The following TMEM131 variants were observed in gnomAD, a reference collection of about 807,000 sequenced individuals.
TMEM131 encodes 2610524E03Rik.
In TMEM131, 66 loss-of-function variants were observed where a neutral mutation model predicts 211.6. That is an observed-to-expected ratio of 0.31 (90% CI 0.26 to 0.38). The LOEUF (loss-of-function observed/expected upper bound fraction) is 0.38, where lower values mean the gene tolerates loss of function less well. TMEM131 is among the 10% of genes least tolerant of loss of function. The probability of loss-of-function intolerance (pLI) is 1.00; values close to 1 mark genes in which losing one functional copy is unlikely to be tolerated. For synonymous variants in TMEM131, 844 were observed against 841.3 expected (o/e 1.00, Z -0.06); for missense variants, 2,036 against 2,299.3 (o/e 0.89, Z 2.34).
chr2:97,950,305 TAAAG>T (rs953149292), intron 1 of TMEM131, among the ~76,000 whole-genome samples: 1 of 152,196 alleles, frequency 6.6e-6, no homozygotes, highest in Non-Finnish European at 1.5e-5. Context: ...CATACATATA[TAAAG>T]ATTTAAAAAG....
intron 1 of TMEM131, among the ~76,000 whole-genome samples, chr2:97,942,557 A>C (rs1320888882): frequency 2.0e-5 from 3 of 152,142 alleles, no homozygotes; most frequent in Non-Finnish European, 4.4e-5. Context: ...GAACTTTCCA[A>C]TCTTACAGTA....
chr2:97,833,253 G>A, intron 11 of TMEM131, 112 bp downstream of exon 11: 1 of 575,954 alleles, frequency 1.7e-6, no homozygotes, highest in Non-Finnish European at 3.0e-6. Flanking sequence ...GTGTCACCAG[G>A]TCATCACCAA....
chr2:97,896,610 T>C (rs1675622494), intron 3 of TMEM131, among the ~76,000 whole-genome samples: 1 of 152,192 alleles, frequency 6.6e-6, no homozygotes, highest in African/African-American at 2.4e-5. Context: ...TTTACCATTA[T>C]GTAATGCCCT....
At position 97,835,155 on chromosome 2, in the gene TMEM131, G is replaced by A. The variant is rs1026098747; in HGVS notation, c.805-230C>T. 3.2e-4 allele frequency among the ~76,000 whole-genome samples: 48 copies of A among 152,176 alleles called. 2 individuals are homozygous for A. Among genetic ancestry groups the A allele is most frequent in the Non-Finnish European group, 1.5e-5 (1 of 68,028 alleles). On this transcript the variant is annotated intron_variant, in intron 8 of 40. Coordinates refer to ENST00000186436, the MANE Select transcript of TMEM131 (RefSeq NM_015348.2). ...TGATGAAATACGATATGTAAGGTAGGCAAAGCAAAAGAAGTCAAATGATCT... is the reference window on the plus strand; with the variant it reads ...TGATGAAATACGATATGTAAGGTAGACAAAGCAAAAGAAGTCAAATGATCT...
At chr2:97,793,909 G>A (rs1480871815) in intron 29 of TMEM131, among the ~76,000 whole-genome samples, 1 of 144,690 alleles carries the variant, frequency 6.9e-6, no homozygotes, top group Non-Finnish European at 1.5e-5. Flanking sequence ...CAGGAGAATG[G>A]CATGAACCCG....
At chr2:97,798,661 C>T (rs1680884158) in intron 25 of TMEM131, among the ~76,000 whole-genome samples, 1 of 152,220 alleles carries the variant, frequency 6.6e-6, no homozygotes, top group African/African-American at 2.4e-5. Flanking sequence ...AAAAGTAGGG[C>T]TCTCCATATA....
In TMEM131 at chr2:97,802,525, T is replaced by A; in HGVS notation, c.2554A>T (p.Thr852Ser). The change falls in exon 24 of 41, where the codon ACT becomes TCT. Residue 852 changes from threonine to serine, a missense_variant. Thr to Ser is a moderately conservative substitution (Grantham distance 58). Transcript: ENST00000186436. Reference sequence around the variant, plus strand: ...GGAACATCTGCAGGATTTTCTAAAGTAATCTCTTCTTCCTTAAACAAAATA... The same window carrying A: ...GGAACATCTGCAGGATTTTCTAAAGAAATCTCTTCTTCCTTAAACAAAATA... ...NTNCSSEEEITLENPADVPVY... is the reference protein window; with the variant it reads ...NTNCSSEEEISLENPADVPVY... The A allele has an allele frequency of 6.2e-7, 1 of 1,610,816 alleles. No homozygotes were observed. The highest frequency in any genetic ancestry group is 8.5e-7 in the Non-Finnish European group (1 of 1,178,830).
At chr2:97,866,839 C>T (rs977865977) in intron 4 of TMEM131, among the ~76,000 whole-genome samples, 2 of 152,116 alleles carry the variant, frequency 1.3e-5, no homozygotes, top group African/African-American at 4.8e-5. Flanking sequence ...TTGTACAGGA[C>T]GAGTATCCCT....
chr2:97,823,450 A>C (rs894866495), intron 11 of TMEM131, among the ~76,000 whole-genome samples: 1 of 152,352 alleles, frequency 6.6e-6, no homozygotes, highest in Middle Eastern at 3.4e-3. Context: ...GAGAGATGTC[A>C]TGCTATTGTT....
intron 1 of TMEM131, among the ~76,000 whole-genome samples, chr2:97,994,792 G>C (rs1680418492): frequency 6.6e-6 from 1 of 152,178 alleles, no homozygotes; most frequent in South Asian, 2.1e-4. Flanking sequence ...TTTAAAATAG[G>C]GGCCAGCCCT....
At chr2:97,962,624 G>C (rs769013680) in intron 1 of TMEM131, among the ~76,000 whole-genome samples, 1 of 152,170 alleles carries the variant, frequency 6.6e-6, no homozygotes, top group Non-Finnish European at 1.5e-5. Flanking sequence ...GTAATGGTTT[G>C]ACAGTTTCTT....
intron 2 of TMEM131, 25 bp from the exon 3 acceptor site, chr2:97,908,723 T>C (rs375634659): frequency 5.3e-5 from 84 of 1,591,470 alleles, no homozygotes; most frequent in Non-Finnish European, 6.7e-5. Context: ...AAATAATGAT[T>C]AAAAAACTGA....
At chr2:97,815,127 G>C in intron 13 of TMEM131, 72 bp downstream of exon 13, 1 of 816,904 alleles carries the variant, frequency 1.2e-6, no homozygotes, top group Non-Finnish European at 1.8e-6. Context: ...TATTTCTGCA[G>C]GTCATTTAGC....
intron 4 of TMEM131, among the ~76,000 whole-genome samples, chr2:97,876,069 C>T (rs891414228): frequency 6.6e-6 from 1 of 152,208 alleles, no homozygotes; most frequent in African/African-American, 2.4e-5. Flanking sequence ...TCAGAGAATA[C>T]TATAAACACC....
chr2:97,877,162 T>A (rs542240930), intron 4 of TMEM131, among the ~76,000 whole-genome samples: 1 of 152,276 alleles, frequency 6.6e-6, no homozygotes, highest in Admixed American at 6.5e-5. Flanking sequence ...GTGAAGGACC[T>A]CTTCAAGGAG....
chr2:97,888,286 T>C (rs542332524), intron 3 of TMEM131, among the ~76,000 whole-genome samples, 166 bp from the exon 4 acceptor site: 1 of 152,320 alleles, frequency 6.6e-6, no homozygotes, highest in South Asian at 2.1e-4. Flanking sequence ...CAGAAACCAA[T>C]AAAGATTGCG....
Position 97,792,446 on chromosome 2 carries a change from C to T in TMEM131, c.4084G>A (p.Asp1362Asn). Residue 1362 changes from aspartate (D) to asparagine (N), a missense_variant, in exon 31 of 41, where the codon GAC (aspartate) becomes AAC (asparagine). By Grantham distance (23) the Asp-to-Asn change is conservative. Around this residue, in one of 3 missense-constraint regions of TMEM131, gnomAD observed 1,623 missense variants for 1,805.9 expected, o/e 0.90. Coordinates refer to ENST00000186436, the MANE Select transcript of TMEM131 (RefSeq NM_015348.2). The stretch of plus-strand genomic sequence containing the variant: ...GTAAACACTTCTAGGGCTGGGGAGT[C>T]ATGGTGGTCGAAGTCTTTGTCCATG... ...EAMDKDFDHH[D>N]SPALEVFTEQ... 1 of 1,613,022 alleles carries T rather than the reference C, an allele frequency of 6.2e-7. No homozygotes were observed. Among genetic ancestry groups the T allele is most frequent in the Non-Finnish European group, 8.5e-7 (1 of 1,179,420 alleles).
At chr2:97,893,137 AG>A (rs1271957416) in intron 3 of TMEM131, among the ~76,000 whole-genome samples, 1 of 151,958 alleles carries the variant, frequency 6.6e-6, no homozygotes, top group Non-Finnish European at 1.5e-5. Context: ...TGAGAACATG[AG>A]GTGTTTGGTT....
chr2:97,981,671 C>T (rs961025752), intron 1 of TMEM131, among the ~76,000 whole-genome samples: 5 of 151,936 alleles, frequency 3.3e-5, no homozygotes, highest in Admixed American at 3.3e-4. Flanking sequence ...ACCACCATCC[C>T]AAAGAAAAAC....
Sources: gnomAD v4.1 joint callset for allele counts (sites outside exome capture counted in the v4.1 genomes callset) on GRCh38, gnomAD v4.1.1 for gene constraint, gnomAD v4.1.1 regional missense constraint, MANE v1.5 for transcripts, NCBI Gene and HGNC (gene_info 2026-07-23, HGNC 2026-07-21) for gene names.